The following ZKSCAN7 variants were observed in gnomAD, a reference collection of about 807,000 sequenced individuals.
ZKSCAN7 encodes the protein zinc finger protein with KRAB and SCAN domains 7.
A neutral mutation model predicts 65.3 loss-of-function variants in ZKSCAN7; 38 were observed. That is an observed-to-expected ratio of 0.58 (90% CI 0.45 to 0.76). The LOEUF (loss-of-function observed/expected upper bound fraction) is 0.76. Among genes scored for constraint, ZKSCAN7 ranks in the 30% least tolerant of loss-of-function variants. The pLI, the probability that ZKSCAN7 is intolerant of heterozygous loss-of-function variation, is 0.00. For synonymous variants in ZKSCAN7, 321 were observed against 321.0 expected (o/e 1.00, Z 0.00); for missense variants, 815 against 913.3 (o/e 0.89, Z 1.39).
At chr3:44,577,380 C>T (rs1204305604) in intron 5 of ZKSCAN7, among the ~76,000 whole-genome samples, 5 of 151,974 alleles carry the variant, frequency 3.3e-5, no homozygotes, top group Non-Finnish European at 7.4e-5. Flanking sequence ...TAAGCTGCAT[C>T]AGTGGAACAA....
chr3:44,571,309 T>A lies in ZKSCAN7; in HGVS notation c.2199T>A (p.Thr733=). ...GGAAAGCCTTTAGTCAGCGTTCCAC[T>A]TTTAATCACCACCAGCGAACTCACA... ...ECGKAFSQRS[T]FNHHQRTHTG... is the part of the protein sequence containing the mutation. The change falls in exon 6 of 6, where the codon ACT becomes ACA. Residue 733 remains threonine (T), a synonymous_variant. Transcript: ENST00000426540. The A allele has an allele frequency of 1.9e-6, 3 of 1,614,252 alleles. No homozygotes were observed. Among genetic ancestry groups the A allele is most frequent in the African/African-American group, 2.7e-5 (2 of 75,070 alleles).
chr3:44,573,033 T>C (rs1699852467), downstream of ZKSCAN7, among the ~76,000 whole-genome samples: 1 of 152,122 alleles, frequency 6.6e-6, no homozygotes, highest in African/African-American at 2.4e-5. Flanking sequence ...TATCGACTAG[T>C]CCTATCTACC....
At position 44,570,174 on chromosome 3, in the gene ZKSCAN7, A is replaced by G; in HGVS notation, c.1064A>G (p.Asp355Gly). ...DKKKSTKDRY[D>G]KYKEVGEHPP... is the part of the protein sequence containing the mutation. The stretch of plus-strand genomic sequence containing the variant: ...AAAAAATCCACAAAAGACAGATATG[A>G]CAAATATAAGGAAGTTGGGGAACAT... The change falls in exon 6 of 6, where the codon GAC (aspartate) becomes GGC (glycine). Residue 355 changes from aspartate to glycine, a missense_variant. By Grantham distance (94) the Asp-to-Gly change is moderately conservative. Transcript: ENST00000426540. 1 of 1,614,244 alleles carries G rather than the reference A, an allele frequency of 6.2e-7. No individual in the cohort carries two copies. Among genetic ancestry groups the G allele is most frequent in the Non-Finnish European group, 8.5e-7 (1 of 1,180,036 alleles).
chr3:44,572,869 A>AAAAAAAAAAAAAAAAAAC (rs1699848287), downstream of ZKSCAN7, among the ~76,000 whole-genome samples: 1 of 150,150 alleles, frequency 6.7e-6, no homozygotes, highest in Non-Finnish European at 1.5e-5. Context: ...AAAAAAAAAA[A>AAAAAAAAAAAAAAAAAAC]AGAACTGTGT....
intron 5 of ZKSCAN7, among the ~76,000 whole-genome samples, chr3:44,581,867 TAAC>T (rs1382852531): frequency 6.6e-6 from 1 of 152,226 alleles, no homozygotes; most frequent in Non-Finnish European, 1.5e-5. Flanking sequence ...TGGTGGATGT[TAAC>T]AAGTTATTGA....
At chr3:44,569,862 T>C (rs1419254069) in intron 5 of ZKSCAN7, 60 bp from the exon 6 acceptor site, 7 of 1,478,246 alleles carry the variant, frequency 4.7e-6, no homozygotes, top group Non-Finnish European at 6.3e-6. Flanking sequence ...CTCTTAATGA[T>C]TCTCTTTCTT....
At chr3:44,561,968 G>A (rs1158932127) in intron 2 of ZKSCAN7, among the ~76,000 whole-genome samples, 1 of 152,224 alleles carries the variant, frequency 6.6e-6, no homozygotes, top group African/African-American at 2.4e-5. Context: ...GGAGGATGGT[G>A]GCCCTCTTCT....
At chr3:44,580,713 T>C in intron 5 of ZKSCAN7, 1 of 1,613,956 alleles carries the variant, frequency 6.2e-7, no homozygotes, top group Non-Finnish European at 8.5e-7. Flanking sequence ...ATCCACCACA[T>C]CTGTGCACTG....
exon 6 of ZKSCAN7, chr3:44,582,995 T>G (rs762620757): frequency 2.5e-5 from 11 of 447,690 alleles, no homozygotes; most frequent in South Asian, 1.6e-4. Context: ...GGCGTGATCT[T>G]GGCTCACTTC....
At chr3:44,583,067 C>CA (rs1700125332) in exon 6 of ZKSCAN7, 1 of 385,674 alleles carries the variant, frequency 2.6e-6, no homozygotes, top group Non-Finnish European at 5.2e-6. Flanking sequence ...GCTGGGATTA[C>CA]AGGCGCCTGC....
rs1699771437 is a variant in ZKSCAN7, at chr3:44,570,523, A to C, written c.1413A>C (p.Glu471Asp). ...GGGAGAAACCCTATAAATGTAATGA[A>C]TGTGCAAAAGCCTTTACTCAGAGTT... is the stretch of plus-strand genomic sequence containing the variant. ...HNGEKPYKCN[E>D]CAKAFTQSSR... Residue 471 changes from glutamate (E) to aspartate (D), a missense_variant, in exon 6 of 6, where the codon GAA becomes GAC. Physicochemically the swap from Glu to Asp is conservative, Grantham distance 45 (BLOSUM62 2). This residue lies in a region of ZKSCAN7 where 578 missense variants were observed against 629.5 expected (regional missense o/e 0.92). Coordinates refer to ENST00000426540, the MANE Select transcript of ZKSCAN7 (RefSeq NM_001288590.2). The C allele has an allele frequency of 6.2e-7, 1 of 1,612,412 alleles. No individual in the cohort carries two copies. The highest frequency in any genetic ancestry group is 8.5e-7 in the Non-Finnish European group (1 of 1,178,628).
At chr3:44,582,960 CTT>C (rs746073592) in intron 5 of ZKSCAN7, 2 of 443,542 alleles carry the variant, frequency 4.5e-6, no homozygotes, top group South Asian at 3.2e-5. Context: ...GAGTTTCACT[CTT>C]GTCTTCCAGG....
intron 2 of ZKSCAN7, 99 bp downstream of exon 2, chr3:44,557,569 G>C: frequency 5.8e-6 from 9 of 1,545,974 alleles, no homozygotes; most frequent in Non-Finnish European, 7.9e-6. Flanking sequence ...AGGCCAGTTT[G>C]CCTTTAGGGT....
At chr3:44,577,458 C>T (rs769953431) in intron 5 of ZKSCAN7, among the ~76,000 whole-genome samples, 7 of 152,112 alleles carry the variant, frequency 4.6e-5, no homozygotes, top group East Asian at 1.9e-4. Flanking sequence ...GCCAGACTAG[C>T]GGGTGAGGAG....
chr3:44,570,666 G>T lies in ZKSCAN7; in HGVS notation c.1556G>T (p.Gly519Val), dbSNP rs1699777626. The T allele has an allele frequency of 6.2e-7, 1 of 1,614,106 alleles. No individual in the cohort carries two copies. Among genetic ancestry groups the T allele is most frequent in the Non-Finnish European group, 8.5e-7 (1 of 1,180,004 alleles). Residue 519 changes from glycine to valine, a missense_variant, in exon 6 of 6, where the codon GGT becomes GTT. Gly to Val is a moderately radical substitution (Grantham distance 109, BLOSUM62 -3). Coordinates refer to ENST00000426540, the MANE Select transcript of ZKSCAN7 (RefSeq NM_001288590.2). ...SLARHQVLHT[G>V]KKPYKCNECG... Reference sequence around the variant, plus strand: ...GCTCGACATCAGGTCCTGCACACTGGTAAGAAACCTTACAAATGCAATGAG... The same window carrying T: ...GCTCGACATCAGGTCCTGCACACTGTTAAGAAACCTTACAAATGCAATGAG...
chr3:44,556,284 A>G (rs1699291218), intron 1 of ZKSCAN7, among the ~76,000 whole-genome samples: 1 of 152,068 alleles, frequency 6.6e-6, no homozygotes, highest in African/African-American at 2.4e-5. Context: ...AGCTACCAGC[A>G]CTCTTCCTGA....
intron 5 of ZKSCAN7, among the ~76,000 whole-genome samples, chr3:44,582,814 A>G (rs1700115190): frequency 6.6e-6 from 1 of 152,174 alleles, no homozygotes; most frequent in African/African-American, 2.4e-5. Flanking sequence ...CTTGAATCAG[A>G]ATGAATGGCC....
chr3:44,570,292 G>C lies in ZKSCAN7; in HGVS notation c.1182G>C (p.Arg394=). ...RCDECGKAFN[R]SSHLIGHQRI... is the part of the protein sequence containing the mutation. ...ATGAATGTGGCAAAGCTTTCAATCG[G>C]AGTTCTCACCTTATTGGCCATCAGA... The change falls in exon 6 of 6, where the codon CGG becomes CGC. Residue 394 remains arginine (R), a synonymous_variant. Coordinates refer to ENST00000426540, the MANE Select transcript of ZKSCAN7 (RefSeq NM_001288590.2). The C allele has an allele frequency of 6.2e-7, 1 of 1,614,202 alleles. No homozygotes were observed. The highest frequency in any genetic ancestry group is 1.7e-5 in the Admixed American group (1 of 60,018).
At chr3:44,563,108 T>G (rs2125713901) in intron 2 of ZKSCAN7, among the ~76,000 whole-genome samples, 2 of 152,340 alleles carry the variant, frequency 1.3e-5, no homozygotes, top group Middle Eastern at 6.8e-3. Context: ...AGAATGACCT[T>G]TGCTCCAGTT....
Sources: allele counts gnomAD v4.1 joint callset (sites outside exome capture counted in the v4.1 genomes callset), GRCh38; gene constraint gnomAD v4.1.1; regional missense constraint gnomAD v4.1.1; transcripts MANE v1.5; gene names NCBI Gene and HGNC (gene_info 2026-07-23, HGNC 2026-07-21).